The following GALNS variants were observed in gnomAD, a reference collection of about 807,000 sequenced individuals.
The protein encoded by GALNS is N-acetylgalactosamine-6-sulfatase.
In GALNS, 65 loss-of-function variants were observed where a neutral mutation model predicts 65.9. The observed-to-expected ratio is 0.99, with a 90% CI of 0.81 to 1.21. GALNS has a LOEUF of 1.21. GALNS is among the 50% of genes most tolerant of loss of function. The pLI is 0.00. For synonymous variants in GALNS, 346 were observed against 288.9 expected, an observed-to-expected ratio of 1.20 and a Z score of -2.00; for missense variants, 776 against 700.7, an observed-to-expected ratio of 1.11 and a Z score of -1.21.
intron 6 of GALNS, 148 bp downstream of exon 6, chr16:88,836,053 C>T (rs1057037906): frequency 5.3e-5 from 57 of 1,083,370 alleles, no homozygotes; most frequent in Middle Eastern, 4.8e-4. Flanking sequence ...ACGCGTCCCA[C>T]GGGGCGAGGG....
intron 1 of GALNS, among the ~76,000 whole-genome samples, chr16:88,850,399 C>A (rs1205034284): frequency 6.6e-6 from 1 of 152,220 alleles, no homozygotes; most frequent in Admixed American, 6.5e-5. Context: ...CCTGGGTCAT[C>A]CTCCTACCTG....
intron 9 of GALNS, among the ~76,000 whole-genome samples, chr16:88,828,321 G>A (rs953929445): frequency 9.2e-5 from 14 of 152,250 alleles, no homozygotes; most frequent in Non-Finnish European, 1.6e-4. Flanking sequence ...GGTCCTCGTG[G>A]AGCGTTTTCG....
intron 1 of GALNS, among the ~76,000 whole-genome samples, chr16:88,851,290 G>A (rs987674222): frequency 2.6e-5 from 4 of 152,150 alleles, no homozygotes; most frequent in African/African-American, 9.7e-5. Flanking sequence ...GAGGAGGGAG[G>A]ATCGCTTGAG....
chr16:88,840,767 G>C, intron 4 of GALNS: 1 of 584,146 alleles, frequency 1.7e-6, no homozygotes, highest in Non-Finnish European at 3.1e-6. Flanking sequence ...TGATGCCGCA[G>C]GATACTCGCG....
chr16:88,828,244 A>G (rs554916384), intron 9 of GALNS, among the ~76,000 whole-genome samples: 153 of 151,044 alleles, frequency 1.0e-3, no homozygotes, highest in Admixed American at 1.5e-3. Flanking sequence ...ATCTGAAAAA[A>G]TAACTGCGGA....
chr16:88,822,718 G>A lies in GALNS; in HGVS notation c.1243-8C>T. On this transcript the variant is annotated splice_polypyrimidine_tract_variant and splice_region_variant and intron_variant, in intron 11 of 13. Coordinates refer to ENST00000268695, the MANE Select transcript of GALNS (RefSeq NM_000512.5). ...AGGGCAGAAATCAATGCCCTGCAAT[G>A]AGAAGAGGGAAGGTGTGTCCTGGAG... is the stretch of plus-strand genomic sequence containing the variant. The A allele has an allele frequency of 3.1e-6, 5 of 1,611,774 alleles. No individual in the cohort carries two copies. Among genetic ancestry groups the A allele is most frequent in the Non-Finnish European group, 4.2e-6 (5 of 1,179,178 alleles).
At position 88,835,245 on chromosome 16, in the gene GALNS, T is replaced by C. The variant is rs1465096387; in HGVS notation, c.866A>G (p.Asn289Ser). 1 of 1,603,648 alleles carries C rather than the reference T, an allele frequency of 6.2e-7. No individual in the cohort carries two copies. The highest frequency in any genetic ancestry group is 8.5e-7 in the Non-Finnish European group (1 of 1,174,570). Residue 289 changes from asparagine to serine, a missense_variant, in exon 8 of 14, where the codon AAC becomes AGC. Asn to Ser is a conservative substitution (Grantham distance 46). Coordinates refer to ENST00000268695, the MANE Select transcript of GALNS (RefSeq NM_000512.5). ...DNTFVFFTSD[N>S]GAALISAPEQ... is the part of the protein sequence containing the mutation. ...GGGGGCGGAAATGAGGGCAGCGCCG[T>C]TGTCCGACGTGAAGAAGACGAAGGT...
intron 9 of GALNS, among the ~76,000 whole-genome samples, chr16:88,830,257 C>A (rs12325575): frequency 0.42 from 46,309 of 111,130 alleles, 9,908 homozygotes; most frequent in East Asian, 0.63. Context: ...AAAAAAAAAA[C>A]GTGGAACAGG....
intron 10 of GALNS, among the ~76,000 whole-genome samples, chr16:88,825,230 G>GGGGCTGGGGTGTCTGGGTGGCCA (rs1291272477): frequency 7.6e-6 from 1 of 131,780 alleles, no homozygotes; most frequent in Non-Finnish European, 1.5e-5. Flanking sequence ...CTGGGTGTCT[G>GGGGCTGGGGTGTCTGGGTGGCCA]GGGCTGGGGT....
At position 88,818,823 on chromosome 16, in the gene GALNS, C is replaced by T. The variant is rs181380260; in HGVS notation, c.1365-699G>A. Among the ~76,000 whole-genome samples, 3 of 152,366 alleles carry T rather than the reference C, an allele frequency of 2.0e-5. No individual in the cohort carries two copies. In the East Asian group the frequency reaches 5.8e-4, roughly 29 times the overall value. On this transcript the variant is annotated intron_variant, in intron 12 of 13. Transcript: ENST00000268695. Reference sequence around the variant, plus strand: ...ATAAAAAGACACCTGCCATCGCTGCCATAGCGGAGATGCAGGGAGGAACTT... The same window carrying T: ...ATAAAAAGACACCTGCCATCGCTGCTATAGCGGAGATGCAGGGAGGAACTT...
chr16:88,835,643 A>G (rs989928646), intron 7 of GALNS, 82 bp downstream of exon 7: 8 of 1,597,942 alleles, frequency 5.0e-6, no homozygotes, highest in Non-Finnish European at 6.8e-6. Context: ...CCTAAATGCC[A>G]CGGTACTGAG....
chr16:88,839,176 G>A (rs914571070), intron 4 of GALNS, among the ~76,000 whole-genome samples: 18 of 144,502 alleles, frequency 1.2e-4, no homozygotes, highest in Non-Finnish European at 1.8e-4. Flanking sequence ...GTCACCGCCC[G>A]GCCACAGGGG....
intron 12 of GALNS, among the ~76,000 whole-genome samples, chr16:88,820,517 G>C (rs1567515408): frequency 6.6e-6 from 1 of 152,240 alleles, no homozygotes; most frequent in Non-Finnish European, 1.5e-5. Context: ...GCTGTGTCAT[G>C]GGTGTGTGAC....
chr16:88,837,538 GC>G, intron 5 of GALNS, 83 bp downstream of exon 5: 1 of 1,442,402 alleles, frequency 6.9e-7, no homozygotes, highest in African/African-American at 1.4e-5. Context: ...GGCGACTTGA[GC>G]CCACCAGTGC....
chr16:88,833,973 GC>G (rs544168549), intron 8 of GALNS, among the ~76,000 whole-genome samples: 9 of 152,214 alleles, frequency 5.9e-5, no homozygotes, highest in Non-Finnish European at 1.2e-4. Flanking sequence ...GTCGAGGTGG[GC>G]CCCCCCGGGC....
At chr16:88,837,893 T>G (rs3743542) in intron 4 of GALNS, 128 bp from the exon 5 acceptor site, 2 of 944,802 alleles carry the variant, frequency 2.1e-6, no homozygotes, top group South Asian at 2.9e-5. Flanking sequence ...GAGTATGGGC[T>G]ATGCCTGGGC....
rs1567551481 is a variant in GALNS at position 88,856,894 on chromosome 16, G to A, written c.-17C>T. ...CGCCGCCATGGCAACCACGGGAGCCGCGGAGCCCCGGCCAGCGAGCCGACC... is the reference window on the plus strand; with the variant it reads ...CGCCGCCATGGCAACCACGGGAGCCACGGAGCCCCGGCCAGCGAGCCGACC... On this transcript the variant is annotated 5_prime_UTR_variant, in exon 1 of 14. Coordinates refer to ENST00000268695, the MANE Select transcript of GALNS (RefSeq NM_000512.5). 12 of 1,502,456 alleles carry A rather than the reference G, an allele frequency of 8.0e-6. No individual in the cohort carries two copies. In the South Asian group the frequency reaches 8.7e-5, roughly 11 times the overall value. The allele number at this position is 1,502,456 out of a possible 1,614,324, so 93.1% of individuals were successfully genotyped here.
intron 13 of GALNS, chr16:88,815,894 G>A (rs1909572682): frequency 1.0e-6 from 1 of 985,296 alleles, no homozygotes; most frequent in Non-Finnish European, 1.2e-6. Context: ...CCGCTCAGCT[G>A]TCCCAGAAGC....
intron 9 of GALNS, 74 bp downstream of exon 9, chr16:88,831,924 T>G: frequency 2.3e-6 from 3 of 1,297,892 alleles, no homozygotes; most frequent in Non-Finnish European, 3.3e-6. Flanking sequence ...AGGTGGCCAG[T>G]GAGGGGCGCA....
Sources: allele counts gnomAD v4.1 joint callset (sites outside exome capture counted in the v4.1 genomes callset), GRCh38; gene constraint gnomAD v4.1.1; transcripts MANE v1.5; gene names NCBI Gene and HGNC (gene_info 2026-07-23, HGNC 2026-07-21).